Variants in TMCO5A observed in about 807,000 individuals in gnomAD.
TMCO5A encodes the protein transmembrane and coiled-coil domain-containing protein 5A.
In TMCO5A, 34 loss-of-function variants were observed where a neutral mutation model predicts 42.3. The observed-to-expected ratio is 0.80, with a 90% CI of 0.61 to 1.07. The LOEUF (loss-of-function observed/expected upper bound fraction) is 1.07. TMCO5A is among the 50% of genes least tolerant of loss of function. The pLI, the probability that TMCO5A is intolerant of heterozygous loss-of-function variation, is 0.00. For missense variants in TMCO5A, 357 were observed against 327.9 expected (o/e 1.09, Z -0.69); for synonymous variants, 131 against 115.6 (o/e 1.13, Z -0.86).
chr15:38,010,425 TCA>T, the TMCO5A span, among the ~76,000 whole-genome samples: 2,909 of 117,354 alleles, frequency 0.025, 118 homozygotes, highest in African/African-American at 0.072. Context: ...CAGAGGGAGA[TCA>T]CACACACACA....
chr15:38,034,437 G>A, the TMCO5A span, among the ~76,000 whole-genome samples: 2 of 152,290 alleles, frequency 1.3e-5, no homozygotes, highest in Non-Finnish European at 2.9e-5. Flanking sequence ...TGAGCACAGA[G>A]GAGAAAATGC....
the TMCO5A span, among the ~76,000 whole-genome samples, chr15:37,998,766 G>A: frequency 6.6e-6 from 1 of 151,998 alleles, no homozygotes; most frequent in Non-Finnish European, 1.5e-5. Context: ...AGATTGCATT[G>A]AATCTGTAGA....
At chr15:37,987,275 T>C in the TMCO5A span, among the ~76,000 whole-genome samples, 1 of 152,086 alleles carries the variant, frequency 6.6e-6, no homozygotes, top group East Asian at 1.9e-4. Context: ...GTTATCTCTA[T>C]ATTCTGTATA....
At chr15:38,003,386 C>A in the TMCO5A span, among the ~76,000 whole-genome samples, 1 of 152,146 alleles carries the variant, frequency 6.6e-6, no homozygotes, top group Non-Finnish European at 1.5e-5. Context: ...GCAGTTACCA[C>A]TGCTTGGCTA....
intron 11 of TMCO5A, 109 bp from the exon 12 acceptor site, chr15:37,950,927 A>T: frequency 1.1e-6 from 1 of 906,574 alleles, no homozygotes; most frequent in Non-Finnish European, 1.7e-6. Flanking sequence ...GGGGGTGATA[A>T]TCCATTTGAA....
chr15:37,976,259 G>A, the TMCO5A span, among the ~76,000 whole-genome samples: 3 of 150,530 alleles, frequency 2.0e-5, no homozygotes, highest in African/African-American at 4.9e-5. Context: ...AAAAAAAAAA[G>A]ATCTTATTTT....
the TMCO5A span, among the ~76,000 whole-genome samples, chr15:37,975,786 T>TC: frequency 0.21 from 31,869 of 150,812 alleles, 8,039 homozygotes; most frequent in African/African-American, 0.58. Flanking sequence ...TTGTTATTAT[T>TC]AGACTTGATT....
At chr15:37,992,952 A>G in the TMCO5A span, among the ~76,000 whole-genome samples, 1 of 152,162 alleles carries the variant, frequency 6.6e-6, no homozygotes, top group Non-Finnish European at 1.5e-5. Context: ...CCCCAATGAC[A>G]TGAATTTACC....
chr15:37,944,876 A>G (rs968614493), intron 10 of TMCO5A, among the ~76,000 whole-genome samples: 2 of 152,006 alleles, frequency 1.3e-5, no homozygotes, highest in East Asian at 1.9e-4. Context: ...TTTTTCTTCA[A>G]CTTTTAAGTT....
chr15:38,026,714 G>T, the TMCO5A span, among the ~76,000 whole-genome samples: 55 of 152,340 alleles, frequency 3.6e-4, no homozygotes, highest in Admixed American at 1.8e-3. Flanking sequence ...CAGGCCTGGA[G>T]GCCTGAGAGA....
rs534356646 is a variant in TMCO5A, at chr15:37,938,272, C to T, written c.387+43C>T. Reference sequence around the variant, plus strand: ...TCCTAAATGTGGTTGGGCTATGTAACCAGGAAACAAGCTGTTAAGTTGGAA... The same window carrying T: ...TCCTAAATGTGGTTGGGCTATGTAATCAGGAAACAAGCTGTTAAGTTGGAA... On this transcript the variant is annotated intron_variant, in intron 6 of 11. Coordinates refer to ENST00000319669, the MANE Select transcript of TMCO5A (RefSeq NM_152453.4). 38 of 1,471,448 alleles carry T rather than the reference C, an allele frequency of 2.6e-5. No homozygotes were observed. The African/African-American group carries it at 4.3e-4, about 17-fold the overall frequency. The allele number at this position is 1,471,448 out of a possible 1,614,324, so 91.1% of individuals were successfully genotyped here.
the TMCO5A span, among the ~76,000 whole-genome samples, chr15:38,009,713 C>T: frequency 2.6e-5 from 4 of 152,184 alleles, no homozygotes; most frequent in African/African-American, 7.2e-5. Context: ...CCTGGGTTCA[C>T]ACTGGCTTCA....
the TMCO5A span, among the ~76,000 whole-genome samples, chr15:38,007,359 G>A: frequency 6.6e-6 from 1 of 152,210 alleles, no homozygotes; most frequent in African/African-American, 2.4e-5. Context: ...AAAATGGGCT[G>A]TAGGCTCTTT....
chr15:37,995,753 G>A, the TMCO5A span, among the ~76,000 whole-genome samples: 40 of 151,864 alleles, frequency 2.6e-4, no homozygotes, highest in African/African-American at 9.7e-4. Flanking sequence ...GCTGCTCTAT[G>A]AGGACTCAGA....
intron 11 of TMCO5A, among the ~76,000 whole-genome samples, chr15:37,949,998 T>C (rs1890104103): frequency 6.6e-6 from 1 of 152,164 alleles, no homozygotes; most frequent in African/African-American, 2.4e-5. Context: ...AAGTCTCAGT[T>C]CCTCACTGCA....
chr15:37,987,415 T>G, the TMCO5A span, among the ~76,000 whole-genome samples: 1 of 152,004 alleles, frequency 6.6e-6, no homozygotes, highest in Non-Finnish European at 1.5e-5. Flanking sequence ...TGTTGTTGTT[T>G]TTGTTTTGTT....
chr15:38,030,278 T>G, the TMCO5A span, among the ~76,000 whole-genome samples: 1 of 152,170 alleles, frequency 6.6e-6, no homozygotes, highest in Non-Finnish European at 1.5e-5. Context: ...ACAAATTTTG[T>G]GTCAGTTCTG....
chr15:38,017,136 T>C, the TMCO5A span, among the ~76,000 whole-genome samples: 1 of 152,074 alleles, frequency 6.6e-6, no homozygotes, highest in Non-Finnish European at 1.5e-5. Flanking sequence ...TACTAATAAA[T>C]ATACAGCACC....
At chr15:38,007,341 C>G in the TMCO5A span, among the ~76,000 whole-genome samples, 1 of 152,112 alleles carries the variant, frequency 6.6e-6, no homozygotes, top group Admixed American at 6.6e-5. Context: ...AAAGGATACT[C>G]TAACACAAAA....
Sources: gnomAD v4.1 joint callset for allele counts (sites outside exome capture counted in the v4.1 genomes callset) on GRCh38, gnomAD v4.1.1 for gene constraint, MANE v1.5 for transcripts, NCBI Gene and HGNC (gene_info 2026-07-23, HGNC 2026-07-21) for gene names.